Variants in XKR6 observed in about 807,000 individuals in gnomAD.
The protein encoded by XKR6 is XK related 6.
XKR6 carries 22 observed loss-of-function variants against 56.7 expected under a neutral mutation model. The ratio of observed to expected loss-of-function variants is 0.39; its 90% CI spans 0.28 to 0.55. The LOEUF (loss-of-function observed/expected upper bound fraction) is 0.55, where lower values mean the gene tolerates loss of function less well. Among genes scored for constraint, XKR6 ranks in the 20% least tolerant of loss-of-function variants. The pLI is 0.66. For missense variants in XKR6, 852 were observed against 889.0 expected (o/e 0.96, Z 0.53); for synonymous variants, 524 against 387.8 (o/e 1.35, Z -4.13).
At chr8:10,957,495 T>C (rs1801925787) in intron 1 of XKR6, among the ~76,000 whole-genome samples, 6 of 152,116 alleles carry the variant, frequency 3.9e-5, no homozygotes. Context: ...CCCTCAGCAA[T>C]GACAAGATGC....
rs923510731 is a variant in XKR6 at position 10,897,889 on chromosome 8, T to C, written c.*63A>G. 3 of 1,510,920 alleles carry C rather than the reference T, an allele frequency of 2.0e-6. No homozygotes were observed. The highest frequency in any genetic ancestry group is 1.4e-5 in the African/African-American group (1 of 71,574). 93.6% of individuals were successfully genotyped at this position (1,510,920 alleles called of 1,614,324 possible). ...TTGGGGGAAGGGAGGGTTATATTTCTTGCAAGTGCTGTTTGCCGCAAACCA... is the reference window on the plus strand; with the variant it reads ...TTGGGGGAAGGGAGGGTTATATTTCCTGCAAGTGCTGTTTGCCGCAAACCA... On this transcript the variant is annotated 3_prime_UTR_variant, in exon 3 of 3. Transcript: ENST00000416569.
At chr8:11,142,822 G>T (rs1035663071) in intron 1 of XKR6, among the ~76,000 whole-genome samples, 4 of 152,136 alleles carry the variant, frequency 2.6e-5, no homozygotes, top group African/African-American at 9.7e-5. Context: ...CATCAATGAT[G>T]GAACAATGTG....
chr8:11,151,979 G>A (rs1801293094), intron 1 of XKR6, among the ~76,000 whole-genome samples: 1 of 152,120 alleles, frequency 6.6e-6, no homozygotes, highest in Admixed American at 6.5e-5. Flanking sequence ...ACTACTTAGA[G>A]TCAAGAAGAT....
intron 1 of XKR6, among the ~76,000 whole-genome samples, chr8:10,995,267 T>G (rs1798083266): frequency 6.6e-6 from 1 of 151,606 alleles, no homozygotes; most frequent in African/African-American, 2.4e-5. Context: ...ATAATCCCAG[T>G]GCTTTAGGAG....
chr8:10,960,015 G>A (rs867876526), intron 1 of XKR6, among the ~76,000 whole-genome samples: 1 of 152,154 alleles, frequency 6.6e-6, no homozygotes, highest in Non-Finnish European at 1.5e-5. Flanking sequence ...GTCAGGGGGG[G>A]GCCTCCTTAA....
At chr8:11,177,827 G>A (rs2117073138) in intron 1 of XKR6, among the ~76,000 whole-genome samples, 1 of 152,338 alleles carries the variant, frequency 6.6e-6, no homozygotes, top group Admixed American at 6.5e-5. Context: ...CAGGCTCTGA[G>A]AGAATACATT....
intron 1 of XKR6, among the ~76,000 whole-genome samples, chr8:11,173,719 T>C (rs1324265708): frequency 6.6e-6 from 1 of 152,172 alleles, no homozygotes; most frequent in African/African-American, 2.4e-5. Flanking sequence ...CAAGCCTTTT[T>C]GGCCAGTGGT....
intron 1 of XKR6, among the ~76,000 whole-genome samples, chr8:11,134,603 A>T (rs777184806): frequency 4.0e-4 from 61 of 152,034 alleles, no homozygotes; most frequent in Admixed American, 1.3e-4. Context: ...GTATATTTTT[A>T]TATTTTTTGG....
At chr8:10,911,517 T>C (rs186691548) in intron 2 of XKR6, among the ~76,000 whole-genome samples, 15 of 147,992 alleles carry the variant, frequency 1.0e-4, no homozygotes, top group Admixed American at 4.1e-4. Context: ...TGTATATATA[T>C]ATGTAGAAAG....
At chr8:11,043,253 G>A (rs1799329561) in intron 1 of XKR6, among the ~76,000 whole-genome samples, 1 of 152,110 alleles carries the variant, frequency 6.6e-6, no homozygotes, top group Non-Finnish European at 1.5e-5. Context: ...CTTAGCGTGA[G>A]CACTCAAACA....
At chr8:11,035,168 TGCCCA>T (rs1379327019) in intron 1 of XKR6, 1 of 534,266 alleles carries the variant, frequency 1.9e-6, no homozygotes, top group East Asian at 5.4e-5. Context: ...GCCAGTCTCG[TGCCCA>T]GCCCAGCGTG....
At chr8:10,954,122 C>T (rs1230284498) in intron 1 of XKR6, among the ~76,000 whole-genome samples, 1 of 152,160 alleles carries the variant, frequency 6.6e-6, no homozygotes, top group Non-Finnish European at 1.5e-5. Flanking sequence ...CTGCTATAAA[C>T]ATTCATCTAC....
chr8:10,943,952 G>A (rs892701156), intron 1 of XKR6, among the ~76,000 whole-genome samples: 1 of 152,088 alleles, frequency 6.6e-6, no homozygotes, highest in Non-Finnish European at 1.5e-5. Flanking sequence ...CCCCCTGCCC[G>A]GATGTGGTGC....
intron 1 of XKR6, among the ~76,000 whole-genome samples, chr8:11,139,946 G>A (rs918927357): frequency 8.5e-5 from 13 of 152,072 alleles, no homozygotes; most frequent in African/African-American, 2.9e-4. Context: ...AATGATACAA[G>A]CCATGAACGA....
In XKR6 at chr8:11,201,031, G is replaced by A. The variant is rs1410070598; in HGVS notation, c.309C>T (p.Ala103=). ...QPLQPPAAPG[A]GRQPPTPSAA... is the part of the protein sequence containing the mutation. ...CCGAGGGCGTCGGGGGTTGGCGGCC[G>A]GCGCCGGGGGCCGCGGGAGGCTGCA... The change falls in exon 1 of 3, where the codon GCC becomes GCT. Residue 103 remains alanine (A), a synonymous_variant. Transcript: ENST00000416569. The A allele has an allele frequency of 2.5e-6, 3 of 1,200,086 alleles. No individual in the cohort carries two copies. Among genetic ancestry groups the A allele is most frequent in the Non-Finnish European group, 3.1e-6 (3 of 971,712 alleles). 74.3% of individuals were successfully genotyped at this position (1,200,086 alleles called of 1,614,324 possible).
At chr8:11,075,657 G>T (rs951041878) in intron 1 of XKR6, among the ~76,000 whole-genome samples, 2 of 152,158 alleles carry the variant, frequency 1.3e-5, no homozygotes, top group East Asian at 3.8e-4. Context: ...GGCTGAGGTG[G>T]GTGGATCATG....
intron 1 of XKR6, among the ~76,000 whole-genome samples, chr8:11,077,153 G>C (rs918128267): frequency 8.5e-5 from 13 of 152,202 alleles, no homozygotes; most frequent in African/African-American, 3.1e-4. Flanking sequence ...CTCCAGCCTG[G>C]GCAACAGAGC....
chr8:11,035,399 C>A, intron 1 of XKR6: 1 of 518,478 alleles, frequency 1.9e-6, no homozygotes, highest in Non-Finnish European at 4.0e-6. Context: ...AGGCAAAGTG[C>A]AACTCCAGGA....
At chr8:11,173,420 T>TAC (rs1369342151) in intron 1 of XKR6, among the ~76,000 whole-genome samples, 1 of 150,698 alleles carries the variant, frequency 6.6e-6, no homozygotes, top group African/African-American at 2.4e-5. Flanking sequence ...CATATACATA[T>TAC]ATATATATAA....
Sources: allele counts gnomAD v4.1 joint callset (sites outside exome capture counted in the v4.1 genomes callset), GRCh38; gene constraint gnomAD v4.1.1; transcripts MANE v1.5; gene names NCBI Gene and HGNC (gene_info 2026-07-23, HGNC 2026-07-21).